The following OCIAD2 variants were observed in gnomAD, a reference collection of about 807,000 sequenced individuals.
The protein encoded by OCIAD2 is OCIA domain containing 2.
OCIAD2 carries 29 observed loss-of-function variants against 22.9 expected under a neutral mutation model. The observed-to-expected ratio is 1.27, with a 90% confidence interval of 0.94 to 1.73. OCIAD2 has a LOEUF of 1.73. OCIAD2 is among the 40% of genes most tolerant of loss of function. The probability of loss-of-function intolerance (pLI) is 0.00; values close to 1 mark genes in which losing one functional copy is unlikely to be tolerated. For missense variants in OCIAD2, 189 were observed against 180.3 expected (o/e 1.05, Z -0.28); for synonymous variants, 67 against 60.2 (o/e 1.11, Z -0.52).
In OCIAD2 at chr4:48,885,095, C is replaced by T. The variant is rs1185245216; in HGVS notation, c.*389G>A. 5.6e-6 allele frequency: 1 copy of T among 179,116 alleles called. No individual in the cohort carries two copies. The highest frequency in any genetic ancestry group is 1.2e-5 in the Non-Finnish European group (1 of 85,342). 11.1% of individuals were successfully genotyped at this position (179,116 alleles called of 1,614,324 possible). A position where few individuals can be genotyped will look rare whatever the true frequency, so the allele number is the denominator to read the frequency against. Reference sequence around the variant, plus strand: ...TCGCCTCCTGGGTTCAAGTGATTCTCCTGCCTCAGCCTCCCTCTCAGTAGC... The same window carrying T: ...TCGCCTCCTGGGTTCAAGTGATTCTTCTGCCTCAGCCTCCCTCTCAGTAGC... On this transcript the variant is annotated 3_prime_UTR_variant, in exon 7 of 7. Transcript: ENST00000508632.
chr4:48,894,016 G>T lies in OCIAD2; in HGVS notation c.255C>A (p.Pro85=). The T allele has an allele frequency of 6.6e-7, 1 of 1,516,874 alleles. No individual in the cohort carries two copies. The allele number at this position is 1,516,874 out of a possible 1,614,324, so 94.0% of individuals were successfully genotyped here. Residue 85 remains proline, a synonymous_variant, in exon 5 of 7, where the codon CCC becomes CCA. Coordinates refer to ENST00000508632, the MANE Select transcript of OCIAD2 (RefSeq NM_001014446.3). Reference sequence around the variant, plus strand: ...ATTTCTATGACTTACGTGCAACTTTGGGCAATGATCCAAATCTAGAATTAG... The same window carrying T: ...ATTTCTATGACTTACGTGCAACTTTTGGCAATGATCCAAATCTAGAATTAG... ...LAANSRFGSL[P]KVALAGLLGF...
Position 48,892,878 on chromosome 4 carries a change from A to G in OCIAD2, c.277T>C (p.Leu93=), listed in dbSNP as rs544672228. The change falls in exon 6 of 7, where the codon TTG becomes CTG. Residue 93 remains leucine (L), a synonymous_variant. Coordinates refer to ENST00000508632, the MANE Select transcript of OCIAD2 (RefSeq NM_001014446.3). ...GATACCTTTCCAAGGCCAAATCCCA[A>G]GAGACCAGCAACTGTAAAAGCAGGT... ...SLPKVALAGL[L]GFGLGKVSYI... is the part of the protein sequence containing the mutation. The G allele has an allele frequency of 1.9e-6, 3 of 1,583,422 alleles. No individual in the cohort carries two copies. Among genetic ancestry groups the G allele is most frequent in the South Asian group, 1.1e-5 (1 of 88,378 alleles).
At chr4:48,886,554 T>G (rs1158784298) in intron 6 of OCIAD2, among the ~76,000 whole-genome samples, 7 of 144,918 alleles carry the variant, frequency 4.8e-5, no homozygotes, top group Admixed American at 7.0e-5. Flanking sequence ...AGTGTTCTCA[T>G]TGTTCAGTTC....
intron 6 of OCIAD2, among the ~76,000 whole-genome samples, chr4:48,890,905 T>C (rs1416443568): frequency 6.6e-6 from 1 of 152,184 alleles, no homozygotes; most frequent in Non-Finnish European, 1.5e-5. Flanking sequence ...TTTCTCTCAC[T>C]TATTTCCCCC....
At chr4:48,896,637 G>A (rs2925213) in intron 4 of OCIAD2, among the ~76,000 whole-genome samples, 149,078 of 152,102 alleles carry the variant, frequency 0.98, 73,133 homozygotes, top group East Asian at 1. Flanking sequence ...TCCCCATAAA[G>A]TCCTGATAAT....
rs1579152626 is a variant in OCIAD2, at chr4:48,894,095, A to T, written c.218-42T>A. ...AAAAACATTATTATTTCATTTCATA[A>T]ATTAAATTATAAGTTATAAATTATA... On this transcript the variant is annotated intron_variant, in intron 4 of 6. Transcript: ENST00000508632. The T allele has an allele frequency of 3.9e-6, 4 of 1,025,874 alleles. No homozygotes were observed. The African/African-American group carries it at 5.0e-5, about 13-fold the overall frequency. 63.5% of individuals were successfully genotyped at this position (1,025,874 alleles called of 1,614,324 possible). A position where few individuals can be genotyped will look rare whatever the true frequency, so the allele number is the denominator to read the frequency against.
At chr4:48,899,720 T>A in intron 3 of OCIAD2, 109 bp downstream of exon 3, 1 of 716,556 alleles carries the variant, frequency 1.4e-6, no homozygotes, top group Non-Finnish European at 2.3e-6. Flanking sequence ...AATATCAGAG[T>A]TCATCAGATA....
chr4:48,901,690 C>A (rs574907053), intron 2 of OCIAD2, among the ~76,000 whole-genome samples: 1 of 152,228 alleles, frequency 6.6e-6, no homozygotes, highest in Non-Finnish European at 1.5e-5. Flanking sequence ...TATATATTGG[C>A]TCATTAATTT....
chr4:48,903,704 G>A (rs898600210), intron 2 of OCIAD2, among the ~76,000 whole-genome samples: 7 of 148,398 alleles, frequency 4.7e-5, no homozygotes, highest in Non-Finnish European at 8.9e-5. Flanking sequence ...GGAGTGCAGC[G>A]GCCTGATCTC....
chr4:48,898,793 G>A (rs1268064287), intron 3 of OCIAD2, among the ~76,000 whole-genome samples: 1 of 152,166 alleles, frequency 6.6e-6, no homozygotes, highest in Non-Finnish European at 1.5e-5. Flanking sequence ...TCTGGGAAAG[G>A]CAATTTCTAG....
At chr4:48,887,521 A>T (rs1468339376) in intron 6 of OCIAD2, among the ~76,000 whole-genome samples, 1 of 152,128 alleles carries the variant, frequency 6.6e-6, no homozygotes, top group East Asian at 1.9e-4. Flanking sequence ...TGTATAAGGT[A>T]TAAGGAAGGG....
chr4:48,904,072 C>T (rs534032640), intron 2 of OCIAD2, among the ~76,000 whole-genome samples: 2 of 152,066 alleles, frequency 1.3e-5, no homozygotes, highest in South Asian at 4.2e-4. Flanking sequence ...AAGTGCCAGA[C>T]TGAAAAAAAT....
At chr4:48,894,518 T>C (rs1781259356) in intron 4 of OCIAD2, among the ~76,000 whole-genome samples, 1 of 152,144 alleles carries the variant, frequency 6.6e-6, no homozygotes, top group Non-Finnish European at 1.5e-5. Context: ...AAAGGAGTTA[T>C]GATTCAATTC....
chr4:48,896,126 A>C (rs1781296347), intron 4 of OCIAD2, among the ~76,000 whole-genome samples: 2 of 152,222 alleles, frequency 1.3e-5, no homozygotes, highest in Admixed American at 1.3e-4. Flanking sequence ...GAAAAATGCT[A>C]TCTTCAAATT....
chr4:48,903,480 A>G (rs1483421761), intron 2 of OCIAD2, among the ~76,000 whole-genome samples: 1 of 152,156 alleles, frequency 6.6e-6, no homozygotes, highest in Non-Finnish European at 1.5e-5. Flanking sequence ...TCTAAAAAAT[A>G]AATGAAAGGA....
chr4:48,885,975 G>C (rs1015006977), intron 6 of OCIAD2, among the ~76,000 whole-genome samples: 6 of 152,110 alleles, frequency 3.9e-5, no homozygotes, highest in Admixed American at 1.3e-4. Context: ...ATCGCTTTTG[G>C]TGTTTTAGAC....
In OCIAD2 at chr4:48,897,853, C is replaced by G; in HGVS notation, c.168G>C (p.Leu56=). 6.2e-7 allele frequency: 1 copy of G among 1,612,342 alleles called. No individual in the cohort carries two copies. The highest frequency in any genetic ancestry group is 8.5e-7 in the Non-Finnish European group (1 of 1,178,646). Residue 56 remains leucine (L), a synonymous_variant, in exon 4 of 7, where the codon CTG becomes CTC. Transcript: ENST00000508632. ...CQEESFWKRA[L]PFSLVSMLVT... is the part of the protein sequence containing the mutation. Reference sequence around the variant, plus strand: ...CAAGCATGCTTACAAGAGAAAAAGGCAGAGCTGTAAAGCAAAAATGTCCTT... The same window carrying G: ...CAAGCATGCTTACAAGAGAAAAAGGGAGAGCTGTAAAGCAAAAATGTCCTT...
At position 48,885,262 on chromosome 4, in the gene OCIAD2, T is replaced by A; in HGVS notation, c.*222A>T. Reference sequence around the variant, plus strand: ...CCTCGGCCTCCCAAAGTACTGGGATTACAGGCATGAGCCACTGCGCCATGC... The same window carrying A: ...CCTCGGCCTCCCAAAGTACTGGGATAACAGGCATGAGCCACTGCGCCATGC... On this transcript the variant is annotated 3_prime_UTR_variant, in exon 7 of 7. Coordinates refer to ENST00000508632, the MANE Select transcript of OCIAD2 (RefSeq NM_001014446.3). 1 of 479,224 alleles carries A rather than the reference T, an allele frequency of 2.1e-6. No homozygotes were observed. Among genetic ancestry groups the A allele is most frequent in the Non-Finnish European group, 3.7e-6 (1 of 268,520 alleles). 29.7% of individuals were successfully genotyped at this position (479,224 alleles called of 1,614,324 possible). A position where few individuals can be genotyped will look rare whatever the true frequency, so the allele number is the denominator to read the frequency against.
intron 4 of OCIAD2, among the ~76,000 whole-genome samples, chr4:48,894,886 T>C (rs1781268665): frequency 6.6e-6 from 1 of 152,142 alleles, no homozygotes; most frequent in Non-Finnish European, 1.5e-5. Flanking sequence ...AAAAGGTGAA[T>C]ATATTATGTC....
Sources: gnomAD v4.1 joint callset for allele counts (sites outside exome capture counted in the v4.1 genomes callset) on GRCh38, gnomAD v4.1.1 for gene constraint, MANE v1.5 for transcripts, NCBI Gene and HGNC (gene_info 2026-07-23, HGNC 2026-07-21) for gene names.